The following PGM1 variants were observed in gnomAD, a reference collection of about 807,000 sequenced individuals.
PGM1 encodes phosphoglucomutase-1.
PGM1 carries 52 observed loss-of-function variants against 55.6 expected under a neutral mutation model. The ratio of observed to expected loss-of-function variants is 0.94; its 90% CI spans 0.75 to 1.18. PGM1 has a LOEUF of 1.18. PGM1 is among the 50% of genes most tolerant of loss of function. PGM1 has a pLI of 0.00. For synonymous variants in PGM1, 287 were observed against 271.7 expected (o/e 1.06, Z -0.55); for missense variants, 724 against 729.3 (o/e 0.99, Z 0.08).
intron 1 of PGM1, 200 bp downstream of exon 1, chr1:63,593,934 C>T: frequency 2.4e-6 from 3 of 1,230,282 alleles, no homozygotes; most frequent in Non-Finnish European, 3.0e-6. Context: ...AAAGTGGCCA[C>T]GGGACCCGGC....
At chr1:63,604,023 A>G (rs1334438733) in intron 1 of PGM1, among the ~76,000 whole-genome samples, 4 of 152,206 alleles carry the variant, frequency 2.6e-5, no homozygotes, top group Admixed American at 2.6e-4. Flanking sequence ...ATCATGATTC[A>G]TCACCTGCAA....
At position 63,634,838 on chromosome 1, in the gene PGM1, C is replaced by A. The variant is rs770860442; in HGVS notation, c.692C>A (p.Pro231Gln). 1 of 1,612,424 alleles carries A rather than the reference C, an allele frequency of 6.2e-7. No homozygotes were observed. Among genetic ancestry groups the A allele is most frequent in the South Asian group, 1.1e-5 (1 of 91,012 alleles). Reference sequence around the variant, plus strand: ...TCCATGCTGTATATAGTTGTGGGACCGTATGTAAAGAAGATCCTCTGTGAA... The same window carrying A: ...TCCATGCTGTATATAGTTGTGGGACAGTATGTAAAGAAGATCCTCTGTGAA... ...RIDAMHGVVG[P>Q]YVKKILCEEL... is the part of the protein sequence containing the mutation. Residue 231 changes from proline to glutamine, a missense_variant, in exon 5 of 11, where the codon CCG becomes CAG. Transcript: ENST00000371084.
chr1:63,659,097 C>T (rs1444671620), intron 10 of PGM1, among the ~76,000 whole-genome samples: 1 of 152,156 alleles, frequency 6.6e-6, no homozygotes, highest in Non-Finnish European at 1.5e-5. Flanking sequence ...ATTATGGGAG[C>T]TACAAGATGA....
chr1:63,618,423 C>T (rs1648799451), intron 1 of PGM1, among the ~76,000 whole-genome samples: 1 of 152,156 alleles, frequency 6.6e-6, no homozygotes, highest in Non-Finnish European at 1.5e-5. Flanking sequence ...AAATAAGTAA[C>T]ACAACCTGCA....
intron 1 of PGM1, among the ~76,000 whole-genome samples, chr1:63,604,374 A>G (rs1049346721): frequency 6.6e-6 from 1 of 152,050 alleles, no homozygotes; most frequent in East Asian, 1.9e-4. Flanking sequence ...TTGCTCTGCC[A>G]TCTTGAAGGT....
At chr1:63,595,776 T>C (rs1418400979) in intron 1 of PGM1, among the ~76,000 whole-genome samples, 8 of 152,148 alleles carry the variant, frequency 5.3e-5, no homozygotes, top group Non-Finnish European at 1.2e-4. Context: ...AGTGGGAATT[T>C]TAGGTGCCCA....
At chr1:63,650,462 T>C (rs887107977) in intron 8 of PGM1, among the ~76,000 whole-genome samples, 19 of 152,218 alleles carry the variant, frequency 1.2e-4, no homozygotes, top group African/African-American at 4.6e-4. Context: ...TTGTTTATCA[T>C]GTTAACTAGG....
rs1258604639 is a variant in PGM1 at position 63,648,551 on chromosome 1, G to C, written c.1179G>C (p.Trp393Cys). 1 of 1,614,026 alleles carries C rather than the reference G, an allele frequency of 6.2e-7. No individual in the cohort carries two copies. The highest frequency in any genetic ancestry group is 1.7e-5 in the Admixed American group (1 of 60,010). The change falls in exon 8 of 11, where the codon TGG (tryptophan) becomes TGC (cysteine). Residue 393 changes from tryptophan to cysteine, a missense_variant. Physicochemically the swap from Trp to Cys is radical, Grantham distance 215 (BLOSUM62 -2). Transcript: ENST00000371084. ...SDHIREKDGL[W>C]AVLAWLSILA... ...ACATCCGTGAGAAAGATGGACTGTGGGCTGTCCTTGCCTGGCTCTCCATCC... is the reference window on the plus strand; with the variant it reads ...ACATCCGTGAGAAAGATGGACTGTGCGCTGTCCTTGCCTGGCTCTCCATCC...
At chr1:63,656,003 T>A (rs1649955092) in intron 10 of PGM1, 1 of 152,066 alleles carries the variant, frequency 6.6e-6, no homozygotes, top group Admixed American at 6.5e-5. Context: ...CACCTGTGAA[T>A]ACCCACTGCG....
In PGM1 at chr1:63,651,755, G is replaced by T. The variant is rs777570538; in HGVS notation, c.1367G>T (p.Gly456Val). The change falls in exon 9 of 11, where the codon GGG becomes GTG. Residue 456 changes from glycine to valine, a missense_variant. Transcript: ENST00000371084. ...EALMFDRSFV[G>V]KQFSANDKVY... ...CTGATGTTTGATCGCTCCTTTGTGG[G>T]GAAGCAGTTCTCAGCAAATGACAAA... 3.0e-5 allele frequency: 48 copies of T among 1,613,712 alleles called. No individual in the cohort carries two copies. The highest frequency in any genetic ancestry group is 3.9e-5 in the Non-Finnish European group (46 of 1,179,826).
chr1:63,655,441 C>G (rs1451495523), intron 10 of PGM1, among the ~76,000 whole-genome samples: 1 of 152,192 alleles, frequency 6.6e-6, no homozygotes, highest in Non-Finnish European at 1.5e-5. Context: ...CTTCACAGAA[C>G]AGTCTGCAGA....
intron 1 of PGM1, among the ~76,000 whole-genome samples, chr1:63,603,784 A>C (rs935029164): frequency 1.3e-5 from 2 of 152,160 alleles, no homozygotes; most frequent in Non-Finnish European, 2.9e-5. Flanking sequence ...CACTCAAGAT[A>C]CCCATACTTT....
intron 6 of PGM1, among the ~76,000 whole-genome samples, chr1:63,637,984 T>C (rs1213969367): frequency 6.9e-6 from 1 of 144,128 alleles, no homozygotes; most frequent in Non-Finnish European, 1.5e-5. Context: ...TCAGGTAACT[T>C]TTCATGTTCA....
In PGM1 at chr1:63,654,435, A is replaced by T. The variant is rs1649906217; in HGVS notation, c.1568A>T (p.Lys523Met). The change falls in exon 10 of 11, where the codon AAG (lysine) becomes ATG (methionine). Residue 523 changes from lysine to methionine, a missense_variant. Lys to Met is a moderately conservative substitution (Grantham distance 95). This residue lies in a region of PGM1 where 316 missense variants were observed against 313.1 expected (regional missense o/e 1.01). Coordinates refer to ENST00000371084, the MANE Select transcript of PGM1 (RefSeq NM_002633.3). ...TIRLYIDSYE[K>M]DVAKINQDPQ... The stretch of plus-strand genomic sequence containing the variant: ...CGGCTGTACATCGATAGCTATGAGA[A>T]GGACGTTGCCAAGATTAACCAGGAC... The T allele has an allele frequency of 6.2e-7, 1 of 1,614,096 alleles. No individual in the cohort carries two copies. The highest frequency in any genetic ancestry group is 1.3e-5 in the African/African-American group (1 of 75,064).
At chr1:63,631,885 G>C in intron 4 of PGM1, 103 bp downstream of exon 4, 1 of 1,151,550 alleles carries the variant, frequency 8.7e-7, no homozygotes, top group Non-Finnish European at 1.3e-6. Context: ...AAGTCTCTCT[G>C]ATGGTTTTTA....
chr1:63,612,402 TA>T (rs1269962356), intron 1 of PGM1, among the ~76,000 whole-genome samples: 2 of 152,302 alleles, frequency 1.3e-5, no homozygotes, highest in Non-Finnish European at 2.9e-5. Context: ...AACCCATACG[TA>T]GAATGATTGA....
At chr1:63,641,195 C>T (rs116126219) in intron 7 of PGM1, among the ~76,000 whole-genome samples, 2,141 of 152,206 alleles carry the variant, frequency 0.014, 55 homozygotes, top group African/African-American at 0.049. Flanking sequence ...ATACCTAGTA[C>T]CAATCATGGT....
At chr1:63,615,775 G>T (rs1397680339) in intron 1 of PGM1, among the ~76,000 whole-genome samples, 2 of 151,686 alleles carry the variant, frequency 1.3e-5, no homozygotes, top group Non-Finnish European at 2.9e-5. Context: ...TGGCCAGGCG[G>T]ATCACTTGAG....
chr1:63,646,825 T>C (rs1441839329), intron 7 of PGM1, among the ~76,000 whole-genome samples: 1 of 152,230 alleles, frequency 6.6e-6, no homozygotes, highest in East Asian at 1.9e-4. Flanking sequence ...TGTATGTGTC[T>C]ATGTGTATTG....
Sources: allele counts gnomAD v4.1 joint callset (sites outside exome capture counted in the v4.1 genomes callset), GRCh38; gene constraint gnomAD v4.1.1; regional missense constraint gnomAD v4.1.1; transcripts MANE v1.5; gene names NCBI Gene and HGNC (gene_info 2026-07-23, HGNC 2026-07-21).